The following ROBO2 variants were observed in gnomAD, a reference collection of about 807,000 sequenced individuals.
ROBO2 encodes the protein roundabout guidance receptor 2.
Under a neutral mutation model 160.8 loss-of-function variants are expected in ROBO2, and 53 were observed. The ratio of observed to expected loss-of-function variants is 0.33; its 90% confidence interval spans 0.26 to 0.41. ROBO2 has a LOEUF of 0.41. ROBO2 is among the 10% of genes least tolerant of loss of function. The probability of loss-of-function intolerance (pLI) is 1.00; values close to 1 mark genes in which losing one functional copy is unlikely to be tolerated. For missense variants in ROBO2, 1,577 were observed against 1,722.4 expected (o/e 0.92, Z 1.49); for synonymous variants, 664 against 611.7 (o/e 1.09, Z -1.26).
At chr3:76,491,065 T>A (rs964596389) in intron 2 of ROBO2, among the ~76,000 whole-genome samples, 1 of 151,986 alleles carries the variant, frequency 6.6e-6, no homozygotes, top group Non-Finnish European at 1.5e-5. Context: ...GTTCAAACGA[T>A]TCTCCTGCTT....
chr3:76,791,045 C>G (rs2063320973), intron 2 of ROBO2, among the ~76,000 whole-genome samples: 1 of 151,766 alleles, frequency 6.6e-6, no homozygotes, highest in Non-Finnish European at 1.5e-5. Flanking sequence ...CTGTTGCCAT[C>G]ATCATAGTCT....
intron 2 of ROBO2, among the ~76,000 whole-genome samples, chr3:77,343,547 G>A (rs1263647643): frequency 6.6e-6 from 1 of 152,102 alleles, no homozygotes; most frequent in East Asian, 1.9e-4. Context: ...ACCATATGCA[G>A]GGGGATACAG....
At chr3:77,240,458 C>T (rs892442437) in intron 2 of ROBO2, among the ~76,000 whole-genome samples, 19 of 152,160 alleles carry the variant, frequency 1.2e-4, no homozygotes, top group Non-Finnish European at 2.6e-4. Context: ...TTCCTGCCCG[C>T]GCCTCTCCCT....
intron 2 of ROBO2, among the ~76,000 whole-genome samples, chr3:76,919,723 T>G (rs1345203373): frequency 2.0e-5 from 3 of 152,154 alleles, no homozygotes; most frequent in Non-Finnish European, 4.4e-5. Context: ...ACCTTTAAAT[T>G]TAATTTTTAC....
Position 77,477,696 on chromosome 3 carries a change from T to G in ROBO2, c.546+125T>G, listed in dbSNP as rs912415515. The G allele has an allele frequency of 1.4e-4, 139 of 1,019,672 alleles. 2 individuals are homozygous for G. Among genetic ancestry groups the G allele is most frequent in the Non-Finnish European group, 2.1e-5 (14 of 682,866 alleles). 63.2% of individuals were successfully genotyped at this position (1,019,672 alleles called of 1,614,324 possible). A position where few individuals can be genotyped will look rare whatever the true frequency, so the allele number is the denominator to read the frequency against. On this transcript the variant is annotated intron_variant, in intron 3 of 25. Transcript: ENST00000461745. The stretch of plus-strand genomic sequence containing the variant: ...TTTGAATGTTAATTACAATTTATAC[T>G]GCCTTGAAAAGATTTAAAAACATTT...
At chr3:77,578,143 A>T (rs75793890) in intron 15 of ROBO2, among the ~76,000 whole-genome samples, 2,657 of 152,184 alleles carry the variant, frequency 0.017, 76 homozygotes, top group African/African-American at 0.061. Context: ...CAAAATACTG[A>T]CTTACAGAAA....
At chr3:76,676,591 C>G (rs2092414496) in intron 2 of ROBO2, among the ~76,000 whole-genome samples, 1 of 151,942 alleles carries the variant, frequency 6.6e-6, no homozygotes, top group South Asian at 2.1e-4. Flanking sequence ...GTTTGTTTTT[C>G]TAAAATGAGC....
chr3:76,026,714 G>C (rs2066758132), intron 2 of ROBO2, among the ~76,000 whole-genome samples: 1 of 151,876 alleles, frequency 6.6e-6, no homozygotes, highest in African/African-American at 2.4e-5. Flanking sequence ...TTATATTTTG[G>C]TTTAACTTAT....
chr3:77,035,483 T>C (rs2063576672), upstream of ROBO2, among the ~76,000 whole-genome samples: 1 of 115,912 alleles, frequency 8.6e-6, no homozygotes, highest in Non-Finnish European at 1.9e-5. Flanking sequence ...AAGATTTTCT[T>C]TCTTGAAAAT....
At chr3:76,088,316 C>T (rs1272333335) in intron 2 of ROBO2, among the ~76,000 whole-genome samples, 2 of 151,978 alleles carry the variant, frequency 1.3e-5, no homozygotes, top group Admixed American at 6.6e-5. Context: ...TGGGCAAATC[C>T]AACAGGCAGA....
intron 2 of ROBO2, among the ~76,000 whole-genome samples, chr3:76,308,759 T>C (rs1485073726): frequency 1.3e-5 from 2 of 152,206 alleles, no homozygotes; most frequent in African/African-American, 4.8e-5. Context: ...ACTTCCCTTG[T>C]TGAGCAACAG....
intron 2 of ROBO2, among the ~76,000 whole-genome samples, chr3:77,223,275 TTA>T (rs1690229895): frequency 6.6e-6 from 1 of 152,160 alleles, no homozygotes; most frequent in Non-Finnish European, 1.5e-5. Flanking sequence ...ATTGATTTTT[TTA>T]TATCAGTTAG....
chr3:75,936,640 C>T (rs1305183689), intron 1 of ROBO2, among the ~76,000 whole-genome samples: 1 of 151,968 alleles, frequency 6.6e-6, no homozygotes. Flanking sequence ...ATTCAATTTG[C>T]TAGTTTTGCT....
intron 2 of ROBO2, among the ~76,000 whole-genome samples, chr3:77,310,230 A>G (rs1210888536): frequency 6.6e-6 from 1 of 152,150 alleles, no homozygotes; most frequent in African/African-American, 2.4e-5. Flanking sequence ...AAAAAGCTAA[A>G]TCTAACATTG....
chr3:76,026,852 T>G (rs770043163), intron 2 of ROBO2, among the ~76,000 whole-genome samples: 65 of 151,874 alleles, frequency 4.3e-4, no homozygotes, highest in Non-Finnish European at 1.6e-4. Context: ...TATAGATATT[T>G]GAGTGAAAAG....
intron 2 of ROBO2, among the ~76,000 whole-genome samples, chr3:76,149,522 ACACACATCTGTCTAAAG>A (rs1458901497): frequency 9.4e-5 from 14 of 149,480 alleles, no homozygotes; most frequent in African/African-American, 2.2e-4. Context: ...TCTGTCTAAA[ACACACATCTGTCTAAAG>A]CACACATCTG....
At chr3:77,246,327 A>ATATGTGTG (rs112653468) in intron 2 of ROBO2, among the ~76,000 whole-genome samples, 26 of 145,830 alleles carry the variant, frequency 1.8e-4, no homozygotes, top group African/African-American at 6.4e-4. Context: ...GTGTATGTGT[A>ATATGTGTG]TGTGTGTGTG....
At chr3:77,323,638 C>T (rs774156517) in intron 2 of ROBO2, among the ~76,000 whole-genome samples, 2 of 152,002 alleles carry the variant, frequency 1.3e-5, no homozygotes, top group African/African-American at 4.8e-5. Flanking sequence ...ATACTGATAA[C>T]AAATTTCTTA....
chr3:76,011,737 A>G (rs2066199681), intron 2 of ROBO2, among the ~76,000 whole-genome samples: 1 of 152,224 alleles, frequency 6.6e-6, no homozygotes, highest in East Asian at 1.9e-4. Flanking sequence ...AACTGATAAT[A>G]GTGTATATGT....
Sources: allele counts gnomAD v4.1 joint callset (sites outside exome capture counted in the v4.1 genomes callset), GRCh38; gene constraint gnomAD v4.1.1; transcripts MANE v1.5; gene names NCBI Gene and HGNC (gene_info 2026-07-23, HGNC 2026-07-21).